The following CSE1L variants were observed in gnomAD, a reference collection of about 807,000 sequenced individuals.
The protein encoded by CSE1L is chromosome segregation 1 like.
CSE1L carries 24 observed loss-of-function variants against 120.4 expected under a neutral mutation model. That is an observed-to-expected ratio of 0.20 (90% CI 0.14 to 0.28). The LOEUF (loss-of-function observed/expected upper bound fraction) is 0.28, where lower values mean the gene tolerates loss of function less well. Ranked by LOEUF, CSE1L falls within the 10% of genes least tolerant of loss-of-function variation. The probability of loss-of-function intolerance (pLI) is 1.00; values close to 1 mark genes in which losing one functional copy is unlikely to be tolerated. For synonymous variants in CSE1L, 402 were observed against 398.3 expected, an observed-to-expected ratio of 1.01 and a Z score of -0.11; for missense variants, 830 against 1,145.2, an observed-to-expected ratio of 0.72 and a Z score of 3.97.
intron 24 of CSE1L, among the ~76,000 whole-genome samples, chr20:49,095,430 TCC>T (rs2145760778): frequency 6.6e-6 from 1 of 152,194 alleles, no homozygotes; most frequent in Admixed American, 6.5e-5. Context: ...GTTCAAGTGA[TCC>T]TACTGCCTGT....
intron 10 of CSE1L, among the ~76,000 whole-genome samples, 182 bp downstream of exon 10, chr20:49,072,879 C>T (rs1251063384): frequency 1.3e-5 from 2 of 152,046 alleles, no homozygotes; most frequent in Non-Finnish European, 2.9e-5. Context: ...TGAGGGTTTT[C>T]TCATGGAAAT....
chr20:49,069,765 C>T (rs1238271087), intron 7 of CSE1L, among the ~76,000 whole-genome samples: 2 of 152,116 alleles, frequency 1.3e-5, no homozygotes, highest in South Asian at 2.1e-4. Context: ...CATAATCTAC[C>T]CTCAGGGGAC....
intron 14 of CSE1L, among the ~76,000 whole-genome samples, chr20:49,081,438 C>G (rs1302818528): frequency 6.6e-6 from 1 of 152,220 alleles, no homozygotes; most frequent in African/African-American, 2.4e-5. Flanking sequence ...CACGTGCCAC[C>G]ACACCCAGCC....
At chr20:49,087,503 G>A (rs188142846) in intron 16 of CSE1L, among the ~76,000 whole-genome samples, 103 of 151,916 alleles carry the variant, frequency 6.8e-4, no homozygotes, top group African/African-American at 2.4e-3. Context: ...GACTACAGAC[G>A]TGCACCACAT....
chr20:49,088,598 C>T (rs1472535891), intron 17 of CSE1L, among the ~76,000 whole-genome samples: 1 of 152,170 alleles, frequency 6.6e-6, no homozygotes, highest in Non-Finnish European at 1.5e-5. Context: ...TTAAGGCTGA[C>T]AGAATTCCTT....
At chr20:49,055,594 G>T (rs1007448923) in intron 1 of CSE1L, among the ~76,000 whole-genome samples, 6 of 152,132 alleles carry the variant, frequency 3.9e-5, no homozygotes, top group Non-Finnish European at 8.8e-5. Context: ...GATTGCGCCT[G>T]TAGTCCCAGC....
intron 1 of CSE1L, 42 bp from the exon 2 acceptor site, chr20:49,058,411 T>C: frequency 1.5e-6 from 2 of 1,356,940 alleles, no homozygotes; most frequent in East Asian, 2.3e-5. Context: ...AATCACTTTT[T>C]CCGTAAGTGA....
rs57808069 is a variant in CSE1L, at chr20:49,078,003, C to CA, written c.1421-547dup. Among the ~76,000 whole-genome samples the CA allele has an allele frequency of 4.4e-4, 63 of 142,892 alleles. 1 individual carries two copies. The South Asian group carries it at 8.1e-3, about 18-fold the overall frequency. The allele number at this position is 142,892 out of a possible 152,430, so 93.7% of individuals were successfully genotyped here. On this transcript the variant is annotated intron_variant, in intron 13 of 24. Transcript: ENST00000262982. Reference sequence around the variant, plus strand: ...TGGGATACAGAGCGAGACTCTGTCTCAAAAAAAAAAATTAAGGATAGTTTC... The same window carrying CA: ...TGGGATACAGAGCGAGACTCTGTCTCAAAAAAAAAAAATTAAGGATAGTTTC...
intron 1 of CSE1L, among the ~76,000 whole-genome samples, chr20:49,052,602 T>C (rs2091775934): frequency 2.0e-5 from 3 of 152,002 alleles, no homozygotes; most frequent in Admixed American, 1.3e-4. Flanking sequence ...GACCCTGCTG[T>C]GGTAAGGGAT....
At chr20:49,076,889 A>T in intron 12 of CSE1L, 91 bp from the exon 13 acceptor site, 1 of 746,446 alleles carries the variant, frequency 1.3e-6, no homozygotes, top group Non-Finnish European at 2.1e-6. Flanking sequence ...TCTCCATTTT[A>T]ACATGGTTTT....
At chr20:49,071,750 T>G (rs1014514329) in intron 8 of CSE1L, among the ~76,000 whole-genome samples, 4 of 151,986 alleles carry the variant, frequency 2.6e-5, no homozygotes, top group Admixed American at 6.6e-5. Context: ...CCCAGCACTT[T>G]GGGAGGCCGA....
intron 7 of CSE1L, 73 bp from the exon 8 acceptor site, chr20:49,070,132 T>A: frequency 1.4e-6 from 1 of 702,088 alleles, no homozygotes; most frequent in Non-Finnish European, 2.4e-6. Context: ...TTTGTCCACG[T>A]GGTAAGGGAA....
At chr20:49,080,665 G>T (rs372043321) in intron 14 of CSE1L, among the ~76,000 whole-genome samples, 1 of 151,994 alleles carries the variant, frequency 6.6e-6, no homozygotes, top group Non-Finnish European at 1.5e-5. Context: ...TAGTAGAGAC[G>T]GGGTTTCTCC....
At chr20:49,054,632 C>A (rs2091792746) in intron 1 of CSE1L, among the ~76,000 whole-genome samples, 1 of 152,208 alleles carries the variant, frequency 6.6e-6, no homozygotes, top group Admixed American at 6.5e-5. Flanking sequence ...ATGAAAACAT[C>A]TAGCATCGTG....
chr20:49,086,889 A>G (rs977230313), intron 16 of CSE1L, among the ~76,000 whole-genome samples: 2 of 152,194 alleles, frequency 1.3e-5, no homozygotes, highest in Non-Finnish European at 2.9e-5. Context: ...AAGCTGAGAT[A>G]TGACCTAACC....
intron 14 of CSE1L, among the ~76,000 whole-genome samples, chr20:49,083,793 G>T (rs904498058): frequency 6.6e-6 from 1 of 152,128 alleles, no homozygotes; most frequent in Non-Finnish European, 1.5e-5. Flanking sequence ...TGATTTATCT[G>T]CAAGATGTTA....
intron 16 of CSE1L, among the ~76,000 whole-genome samples, chr20:49,087,063 A>G (rs2092064793): frequency 6.6e-6 from 1 of 152,138 alleles, no homozygotes; most frequent in Non-Finnish European, 1.5e-5. Context: ...GTAAACATTT[A>G]TTTTAGAAAT....
In CSE1L at chr20:49,096,365, G is replaced by GCA; in HGVS notation, c.2845_2846dup (p.Ser950ProfsTer3). On this transcript the variant is annotated frameshift_variant, in exon 25 of 25. Coordinates refer to ENST00000262982, the MANE Select transcript of CSE1L (RefSeq NM_001316.4). LOFTEE classifies it high-confidence loss of function. Reference sequence around the variant, plus strand: ...CTCTTGTAGGTTCCATCAATGGTGAGCACCAGCCTGAATGCAGAAGCGCTC... The same window carrying GCA: ...CTCTTGTAGGTTCCATCAATGGTGAGCACACCAGCCTGAATGCAGAAGCGCTC... 1 of 1,614,006 alleles carries GCA rather than the reference G, an allele frequency of 6.2e-7. No homozygotes were observed. Among genetic ancestry groups the GCA allele is most frequent in the Non-Finnish European group, 8.5e-7 (1 of 1,179,918 alleles).
chr20:49,046,962 T>C (rs1008579316), intron 1 of CSE1L, among the ~76,000 whole-genome samples: 6 of 152,180 alleles, frequency 3.9e-5, no homozygotes, highest in African/African-American at 1.4e-4. Flanking sequence ...TTCTCTAACC[T>C]CTGTACTTGT....
Sources: allele counts gnomAD v4.1 joint callset (sites outside exome capture counted in the v4.1 genomes callset), GRCh38; gene constraint gnomAD v4.1.1; transcripts MANE v1.5; gene names NCBI Gene and HGNC (gene_info 2026-07-23, HGNC 2026-07-21).